ENOX1: variants seen among roughly 807,000 people sequenced by gnomAD.
ENOX1 encodes ecto-NOX disulfide-thiol exchanger 1, also known as candidate growth-related and time keeping constitutive hydroquinone (NADH) oxidase.
ENOX1 carries 42 observed loss-of-function variants against 82.5 expected under a neutral mutation model. The observed-to-expected ratio is 0.51, with a 90% CI of 0.40 to 0.66. The LOEUF (loss-of-function observed/expected upper bound fraction) is 0.66. Ranked by LOEUF, ENOX1 falls within the 30% of genes least tolerant of loss-of-function variation. The pLI is 0.00. For missense variants in ENOX1, 608 were observed against 811.6 expected, an observed-to-expected ratio of 0.75 and a Z score of 3.05; for synonymous variants, 271 against 282.2, an observed-to-expected ratio of 0.96 and a Z score of 0.40.
At chr13:43,269,612 T>C (rs993244516) in intron 12 of ENOX1, 35 bp from the exon 13 acceptor site, 4 of 1,526,118 alleles carry the variant, frequency 2.6e-6, no homozygotes, top group South Asian at 2.2e-5. Flanking sequence ...ATAAGTAGGA[T>C]TGAAGGTCAG....
intron 3 of ENOX1, among the ~76,000 whole-genome samples, chr13:43,415,318 G>A (rs2153601202): frequency 6.8e-6 from 1 of 147,112 alleles, no homozygotes; most frequent in East Asian, 2.0e-4. Flanking sequence ...AGGGTCACAG[G>A]ATAATAGTGG....
intron 5 of ENOX1, among the ~76,000 whole-genome samples, chr13:43,384,465 A>G (rs2052276838): frequency 6.6e-6 from 1 of 152,168 alleles, no homozygotes; most frequent in African/African-American, 2.4e-5. Context: ...ATATTATCTT[A>G]TTCATTCCCA....
chr13:43,595,303 TTTC>T (rs2081415886), intron 2 of ENOX1, among the ~76,000 whole-genome samples: 1 of 152,112 alleles, frequency 6.6e-6, no homozygotes, highest in African/African-American at 2.4e-5. Flanking sequence ...TGTCTCCTGT[TTTC>T]TTCTTCCTCC....
chr13:43,369,702 T>C (rs2051091194), intron 5 of ENOX1, among the ~76,000 whole-genome samples: 1 of 152,234 alleles, frequency 6.6e-6, no homozygotes, highest in South Asian at 2.1e-4. Flanking sequence ...CTGTCTTGAA[T>C]TTCTCCTCCC....
chr13:43,487,531 C>A (rs1273448880), intron 2 of ENOX1, among the ~76,000 whole-genome samples: 1 of 152,214 alleles, frequency 6.6e-6, no homozygotes, highest in Admixed American at 6.5e-5. Context: ...AATCAACGTA[C>A]TGCTACCAAG....
intron 3 of ENOX1, among the ~76,000 whole-genome samples, chr13:43,433,565 A>G (rs745521763): frequency 6.6e-5 from 10 of 152,194 alleles, no homozygotes; most frequent in Non-Finnish European, 1.3e-4. Context: ...ATACATACAC[A>G]TATATGTTTA....
intron 1 of ENOX1, among the ~76,000 whole-genome samples, chr13:43,782,992 C>T (rs968806187): frequency 2.4e-4 from 36 of 152,076 alleles, no homozygotes; most frequent in African/African-American, 8.7e-4. Context: ...CTTAAAGAGC[C>T]CAGATCACTA....
At chr13:43,466,540 G>T (rs1368726481) in intron 3 of ENOX1, among the ~76,000 whole-genome samples, 1 of 152,036 alleles carries the variant, frequency 6.6e-6, no homozygotes, top group Non-Finnish European at 1.5e-5. Context: ...TTTCTGAATG[G>T]TATATTTTGT....
chr13:43,773,152 T>C (rs1951738672), intron 1 of ENOX1, among the ~76,000 whole-genome samples: 1 of 152,178 alleles, frequency 6.6e-6, no homozygotes, highest in South Asian at 2.1e-4. Context: ...CCCTCTCCAA[T>C]CTCTCCTCCA....
At chr13:43,528,141 G>C (rs184262777) in intron 2 of ENOX1, among the ~76,000 whole-genome samples, 1 of 152,120 alleles carries the variant, frequency 6.6e-6, no homozygotes, top group East Asian at 1.9e-4. Context: ...AGTAGACAAG[G>C]CTTAATTTTG....
At chr13:43,351,148 A>T (rs2049756282) in intron 8 of ENOX1, among the ~76,000 whole-genome samples, 2 of 152,310 alleles carry the variant, frequency 1.3e-5, no homozygotes, top group East Asian at 1.9e-4. Context: ...CTGCTATCAC[A>T]ATCCCCAAAT....
intron 1 of ENOX1, among the ~76,000 whole-genome samples, chr13:43,756,497 G>C: frequency 7.5e-6 from 1 of 133,422 alleles, no homozygotes; most frequent in East Asian, 2.4e-4. Context: ...GGGAGGGGAA[G>C]GGAGAGAGGG....
chr13:43,447,135 G>A (rs1465064388), intron 3 of ENOX1, among the ~76,000 whole-genome samples: 1 of 152,200 alleles, frequency 6.6e-6, no homozygotes, highest in African/African-American at 2.4e-5. Flanking sequence ...ATTATAGAAA[G>A]ATGTCTTTTA....
intron 1 of ENOX1, among the ~76,000 whole-genome samples, chr13:43,716,369 C>T (rs865851298): frequency 1.3e-5 from 2 of 152,176 alleles, no homozygotes; most frequent in African/African-American, 4.8e-5. Context: ...GGCTGCAGAA[C>T]AGCGGTGGCT....
chr13:43,522,716 T>C (rs569401563), intron 2 of ENOX1, among the ~76,000 whole-genome samples: 1 of 152,250 alleles, frequency 6.6e-6, no homozygotes, highest in South Asian at 2.1e-4. Flanking sequence ...TTTAGTGCAC[T>C]GGTACCCAGA....
In ENOX1 at chr13:43,307,510, G is replaced by A. The variant is rs889575322; in HGVS notation, c.1262-8980C>T. On this transcript the variant is annotated intron_variant, in intron 11 of 16. Transcript: ENST00000690772. ...CCCCACTTCCTAATGCTTTCTTCAT[G>A]ACTTTCTTCTAGTCTTAGATTTCTT... 2.5e-4 allele frequency among the ~76,000 whole-genome samples: 38 copies of A among 152,138 alleles called. 1 individual carries two copies. The highest frequency in any genetic ancestry group is 1.7e-4 in the African/African-American group (7 of 41,422).
At chr13:43,649,998 C>T (rs1356971385) in intron 2 of ENOX1, among the ~76,000 whole-genome samples, 1 of 152,222 alleles carries the variant, frequency 6.6e-6, no homozygotes, top group African/African-American at 2.4e-5. Flanking sequence ...CTCTGCTCCA[C>T]ATGCCTTCAT....
chr13:43,641,529 ATTTTTTT>A (rs769737189), intron 2 of ENOX1, among the ~76,000 whole-genome samples: 2 of 83,094 alleles, frequency 2.4e-5, no homozygotes, highest in Non-Finnish European at 4.2e-5. Context: ...TTAATTTTTA[ATTTTTTT>A]TTTTTTTTTT....
intron 14 of ENOX1, among the ~76,000 whole-genome samples, chr13:43,264,807 T>C (rs1212723913): frequency 6.6e-6 from 1 of 152,156 alleles, no homozygotes; most frequent in Non-Finnish European, 1.5e-5. Context: ...AGAACACTTG[T>C]TTACTTTTTG....
Sources: allele counts gnomAD v4.1 joint callset (sites outside exome capture counted in the v4.1 genomes callset), GRCh38; gene constraint gnomAD v4.1.1; transcripts MANE v1.5; gene names NCBI Gene and HGNC (gene_info 2026-07-23, HGNC 2026-07-21).